Variants in CHTF18 observed in about 807,000 individuals in gnomAD.
The protein encoded by CHTF18 is chromosome transmission fidelity factor 18.
In CHTF18, 151 loss-of-function variants were observed where a neutral mutation model predicts 113.4. That is an observed-to-expected ratio of 1.33 (90% CI 1.17 to 1.52). The LOEUF is 1.52. Ranked by LOEUF, CHTF18 falls within the 40% of genes most tolerant of loss-of-function variation. The pLI is 0.00. For missense variants in CHTF18, 1,982 were observed against 1,381.6 expected (o/e 1.43, Z -6.89); for synonymous variants, 916 against 598.8 (o/e 1.53, Z -7.74).
rs557796030 is a variant in CHTF18 at position 795,937 on chromosome 16, C to T, written c.2326-10C>T. The stretch of plus-strand genomic sequence containing the variant: ...GCTCAGCTCCCTGTCTGCTGCCTCC[C>T]ATCCCCTAGGTGAGCACACAGCTGT... On this transcript the variant is annotated splice_polypyrimidine_tract_variant and intron_variant, in intron 17 of 21. Transcript: ENST00000262315. 2.0e-5 allele frequency: 32 copies of T among 1,603,776 alleles called. 1 individual carries two copies. In the African/African-American group the frequency reaches 2.9e-4, roughly 15 times the overall value.
chr16:795,282 C>A lies in CHTF18; in HGVS notation c.2101C>A (p.Leu701Met), dbSNP rs756230599. The A allele has an allele frequency of 1.2e-5, 18 of 1,549,032 alleles. No homozygotes were observed. In the East Asian group the frequency reaches 2.7e-4, roughly 23 times the overall value. The stretch of plus-strand genomic sequence containing the variant: ...CCAGCTGCTGCGCTACCCACCCTTC[C>A]TGCCCGTGGCCTTCCATGTGCTGTT... Reference protein sequence around the residue: ...SFQLLRYPPFLPVAFHVLFAS... With the variant: ...SFQLLRYPPFMPVAFHVLFAS... Residue 701 changes from leucine to methionine, a missense_variant, in exon 16 of 22, where the codon CTG becomes ATG. Transcript: ENST00000262315.
In CHTF18 at chr16:789,083, C is replaced by T; in HGVS notation, c.244C>T (p.Gln82Ter). ...GSSQGGARKR[Q>*]VDADLQPAGS... ...CAGCCAGGGCGGCGCCAGGAAGAGG[C>T]AGGTGGACGCCGACCTGCAGCCGGC... The change falls in exon 2 of 22, where the codon CAG becomes TAG. Residue 82 changes from glutamine to a stop codon, truncating the protein, a stop_gained. Transcript: ENST00000262315. LOFTEE classifies it high-confidence loss of function. 2 of 1,534,656 alleles carry T rather than the reference C, an allele frequency of 1.3e-6. No individual in the cohort carries two copies. The highest frequency in any genetic ancestry group is 1.2e-5 in the South Asian group (1 of 82,690).
At position 793,105 on chromosome 16, in the gene CHTF18, A is replaced by G. The variant is rs1047318823; in HGVS notation, c.1672-39A>G. 19 of 1,554,204 alleles carry G rather than the reference A, an allele frequency of 1.2e-5. No individual in the cohort carries two copies. In the East Asian group the frequency reaches 2.9e-4, roughly 23 times the overall value. On this transcript the variant is annotated intron_variant, in intron 13 of 21. Coordinates refer to ENST00000262315, the MANE Select transcript of CHTF18 (RefSeq NM_022092.3). ...GCACCGGGTGGGGTGGGGTGGGGTC[A>G]GGAGTTGGCCGCTTCTCATGCCCCC...
chr16:794,651 G>C (rs763581192), intron 15 of CHTF18: 2 of 229,528 alleles, frequency 8.7e-6, no homozygotes, highest in Non-Finnish European at 1.7e-5. Context: ...TTAGCAGCTG[G>C]GGATCCACAA....
intron 7 of CHTF18, 116 bp from the exon 8 acceptor site, chr16:791,045 C>T: frequency 1.3e-6 from 2 of 1,489,362 alleles, no homozygotes; most frequent in Middle Eastern, 1.9e-4. Context: ...ACGGGGGTGG[C>T]CATTCATCCT....
At position 793,783 on chromosome 16, in the gene CHTF18, G is replaced by A. The variant is rs74001029; in HGVS notation, c.1803-271G>A. The A allele has an allele frequency of 1.5e-3, 994 of 662,826 alleles. 8 individuals carry two copies. In the African/African-American group the frequency reaches 0.016, roughly 10 times the overall value. 41.1% of individuals were successfully genotyped at this position (662,826 alleles called of 1,614,324 possible). A position where few individuals can be genotyped will look rare whatever the true frequency, so the allele number is the denominator to read the frequency against. ...GATGTGCTGCTCCTGGCCTGGACCC[G>A]GAGGGGGACTTTCCCTGGGGTCCCC... On this transcript the variant is annotated intron_variant, in intron 14 of 21. Coordinates refer to ENST00000262315, the MANE Select transcript of CHTF18 (RefSeq NM_022092.3).
At chr16:793,402 C>G (rs1360733649) in intron 14 of CHTF18, 128 bp downstream of exon 14, 2 of 1,226,192 alleles carry the variant, frequency 1.6e-6, no homozygotes, top group Admixed American at 2.4e-5. Flanking sequence ...GTTGCCTGGT[C>G]CAGCCTCCAG....
rs540750304 is a variant in CHTF18, at chr16:795,153, C to G, written c.1972C>G (p.Arg658Gly). Residue 658 changes from arginine to glycine, a missense_variant, in exon 16 of 22, where the codon CGT becomes GGT. By Grantham distance (125) the Arg-to-Gly change is moderately radical. Transcript: ENST00000262315. ...GCAGGGCTTGTTTGACAACTTCCTG[C>G]GTCTGCGGCTGCGAGACTCCAGCCT... ...VVQGLFDNFL[R>G]LRLRDSSLGA... The G allele has an allele frequency of 6.4e-7, 1 of 1,551,840 alleles. No homozygotes were observed. The highest frequency in any genetic ancestry group is 8.7e-7 in the Non-Finnish European group (1 of 1,148,094).
chr16:789,872 G>A lies in CHTF18; in HGVS notation c.606+157G>A, dbSNP rs1596745687. 3.8e-6 allele frequency: 5 copies of A among 1,331,796 alleles called. No homozygotes were observed. In the South Asian group the frequency reaches 4.1e-5, roughly 11 times the overall value. 82.5% of individuals were successfully genotyped at this position (1,331,796 alleles called of 1,614,324 possible). ...CTGCGTCATGGGGCGTAGACTTAGA[G>A]GACACAGCCTCCCCACAGCAGGTTG... On this transcript the variant is annotated intron_variant, in intron 4 of 21. Coordinates refer to ENST00000262315, the MANE Select transcript of CHTF18 (RefSeq NM_022092.3).
rs779989502 is a variant in CHTF18 at position 796,758 on chromosome 16, G to A, written c.2498G>A (p.Arg833His). The A allele has an allele frequency of 3.1e-6, 5 of 1,607,280 alleles. No homozygotes were observed. Among genetic ancestry groups the A allele is most frequent in the African/African-American group, 2.7e-5 (2 of 75,024 alleles). The change falls in exon 19 of 22, where the codon CGC becomes CAC. Residue 833 changes from arginine (R) to histidine (H), a missense_variant. Arg to His is a conservative substitution (Grantham distance 29). Coordinates refer to ENST00000262315, the MANE Select transcript of CHTF18 (RefSeq NM_022092.3). ...ELCRFPELPA[R>H]KPLTYQTKQL... ...TGCCGCTTCCCTGAGCTGCCTGCCC[G>A]CAAGCCCCTCACCTACCAGACGAAG... is the stretch of plus-strand genomic sequence containing the variant.
At position 790,224 on chromosome 16, in the gene CHTF18, G is replaced by C. The variant is rs777429431; in HGVS notation, c.654G>C (p.Leu218=). The C allele has an allele frequency of 3.7e-6, 6 of 1,606,104 alleles. No homozygotes were observed. In the African/African-American group the frequency reaches 6.7e-5, roughly 18 times the overall value. Residue 218 remains leucine, a synonymous_variant, in exon 5 of 22, where the codon CTG becomes CTC. Transcript: ENST00000262315. The stretch of plus-strand genomic sequence containing the variant: ...GGCGAGGCGGTGGCCAGCTGGACCT[G>C]CTGGGTGTGTCCTTAGCCTCCCTGA... The part of the protein sequence containing the change: ...VPWRGGGQLD[L]LGVSLASLKK...
rs754929915 is a variant in CHTF18, at chr16:796,972, C to A, written c.2613C>A (p.Ser871Arg). The change falls in exon 20 of 22, where the codon AGC (serine) becomes AGA (arginine). Residue 871 changes from serine to arginine, a missense_variant. Coordinates refer to ENST00000262315, the MANE Select transcript of CHTF18 (RefSeq NM_022092.3). ...CCTGCTCCCTACAGGTGGATGGGAGCCCCCCAGGGCTCGAGGGTCTGCTGG... is the reference window on the plus strand; with the variant it reads ...CCTGCTCCCTACAGGTGGATGGGAGACCCCCAGGGCTCGAGGGTCTGCTGG... ...RVENSPQVDG[S>R]PPGLEGLLGG... is the part of the protein sequence containing the mutation. 1 of 1,522,898 alleles carries A rather than the reference C, an allele frequency of 6.6e-7. No individual in the cohort carries two copies. The allele number at this position is 1,522,898 out of a possible 1,614,324, so 94.3% of individuals were successfully genotyped here.
chr16:789,548 G>A lies in CHTF18; in HGVS notation c.439G>A (p.Val147Ile), dbSNP rs200341581. 1.8e-5 allele frequency: 29 copies of A among 1,598,712 alleles called. No individual in the cohort carries two copies. The South Asian group carries it at 2.8e-4, about 15-fold the overall frequency. ...EDLAELWGHG[V>I]SEAAADVGLT... ...CACTGAGCCCCGGTCTCTCTCCAGA[G>A]TCTCAGAAGCTGCTGCCGACGTGGG... is the stretch of plus-strand genomic sequence containing the variant. Residue 147 changes from valine to isoleucine, a missense_variant and splice_region_variant, in exon 4 of 22, where the codon GTC (valine) becomes ATC (isoleucine). Val to Ile is a conservative substitution (Grantham distance 29). Transcript: ENST00000262315.
In CHTF18 at chr16:793,070, C is replaced by T. The variant is rs371107780; in HGVS notation, c.1671+6C>T. 5.5e-4 allele frequency: 646 copies of T among 1,177,486 alleles called. 2 individuals are homozygous for T. The African/African-American group carries it at 7.5e-3, about 14-fold the overall frequency. 72.9% of individuals were successfully genotyped at this position (1,177,486 alleles called of 1,614,324 possible). A position where few individuals can be genotyped will look rare whatever the true frequency, so the allele number is the denominator to read the frequency against. On this transcript the variant is annotated splice_donor_region_variant and intron_variant, in intron 13 of 21. Coordinates refer to ENST00000262315, the MANE Select transcript of CHTF18 (RefSeq NM_022092.3). ...CCTGCATCAACACCCTGCAGGTGGG[C>T]GGCCGGCAGGCACCGGGTGGGGTGG...
At chr16:796,125 C>T in intron 18 of CHTF18, 48 bp downstream of exon 18, 1 of 1,567,452 alleles carries the variant, frequency 6.4e-7, no homozygotes, top group Non-Finnish European at 8.6e-7. Flanking sequence ...TGCTCCCCGG[C>T]TGTGCTCCAT....
In CHTF18 at chr16:791,557, C is replaced by T; in HGVS notation, c.1104+187C>T. ...TAACAACTCGGGGGAAGTCGTTGTCCCTGAAGGGCTCTGCGGCTGGCCAGG... is the reference window on the plus strand; with the variant it reads ...TAACAACTCGGGGGAAGTCGTTGTCTCTGAAGGGCTCTGCGGCTGGCCAGG... On this transcript the variant is annotated intron_variant, in intron 8 of 21. Coordinates refer to ENST00000262315, the MANE Select transcript of CHTF18 (RefSeq NM_022092.3). The T allele has an allele frequency of 2.1e-6, 3 of 1,434,580 alleles. 1 individual carries two copies. Among genetic ancestry groups the T allele is most frequent in the South Asian group, 3.0e-5 (2 of 66,926 alleles). The allele number at this position is 1,434,580 out of a possible 1,614,324, so 88.9% of individuals were successfully genotyped here.
In CHTF18 at chr16:797,684, C is replaced by T. The variant is rs1334727499; in HGVS notation, c.2734-10C>T. ...GTCCTATACGACTGACTAGTCCTTCCTCCCATCAGCCTGAGAAGGACTTCT... is the reference window on the plus strand; with the variant it reads ...GTCCTATACGACTGACTAGTCCTTCTTCCCATCAGCCTGAGAAGGACTTCT... On this transcript the variant is annotated splice_polypyrimidine_tract_variant and intron_variant, in intron 20 of 21. Transcript: ENST00000262315. 18 of 1,611,714 alleles carry T rather than the reference C, an allele frequency of 1.1e-5. No homozygotes were observed. The highest frequency in any genetic ancestry group is 2.7e-5 in the African/African-American group (2 of 74,926).
In CHTF18 at chr16:790,962, C is replaced by T; in HGVS notation, c.895-199C>T. On this transcript the variant is annotated intron_variant, in intron 7 of 21. Coordinates refer to ENST00000262315, the MANE Select transcript of CHTF18 (RefSeq NM_022092.3). ...GCCCCTGGGGAGGGCAGGGGCCTCCCAGATGGGTTGTGGCCAGAGCCGTGG... is the reference window on the plus strand; with the variant it reads ...GCCCCTGGGGAGGGCAGGGGCCTCCTAGATGGGTTGTGGCCAGAGCCGTGG... 2.1e-6 allele frequency: 3 copies of T among 1,436,778 alleles called. No individual in the cohort carries two copies. The South Asian group carries it at 4.5e-5, about 21-fold the overall frequency. 89.0% of individuals were successfully genotyped at this position (1,436,778 alleles called of 1,614,324 possible). A position where few individuals can be genotyped will look rare whatever the true frequency, so the allele number is the denominator to read the frequency against.
rs757939458 is a variant in CHTF18 at position 793,040 on chromosome 16, C to G, written c.1647C>G (p.Ile549Met). The G allele has an allele frequency of 6.4e-7, 1 of 1,565,622 alleles. No homozygotes were observed. The highest frequency in any genetic ancestry group is 1.2e-5 in the South Asian group (1 of 84,996). Residue 549 changes from isoleucine to methionine, a missense_variant, in exon 13 of 22, where the codon ATC becomes ATG. Physicochemically the swap from Ile to Met is conservative, Grantham distance 10 (BLOSUM62 1). Transcript: ENST00000262315. Reference sequence around the variant, plus strand: ...TCTGTGAGAAAACTGACAATGACATCCGGGCCTGCATCAACACCCTGCAGG... The same window carrying G: ...TCTGTGAGAAAACTGACAATGACATGCGGGCCTGCATCAACACCCTGCAGG... The part of the protein sequence containing the change: ...AALCEKTDND[I>M]RACINTLQFL...
Sources: gnomAD v4.1 joint callset for allele counts on GRCh38, gnomAD v4.1.1 for gene constraint, MANE v1.5 for transcripts, NCBI Gene and HGNC (gene_info 2026-07-23, HGNC 2026-07-21) for gene names.